Variants in CDH22 observed in about 807,000 individuals in gnomAD.
CDH22 encodes the protein cadherin 22.
Under a neutral mutation model 58.4 loss-of-function variants are expected in CDH22, and 30 were observed. That is an observed-to-expected ratio of 0.51 (90% CI 0.38 to 0.70). The LOEUF (loss-of-function observed/expected upper bound fraction) is 0.70, where lower values mean the gene tolerates loss of function less well. Ranked by LOEUF, CDH22 falls within the 30% of genes least tolerant of loss-of-function variation. The pLI is 0.00. For synonymous variants in CDH22, 513 were observed against 558.2 expected (o/e 0.92, Z 1.14); for missense variants, 1,014 against 1,233.9 (o/e 0.82, Z 2.67).
intron 2 of CDH22, among the ~76,000 whole-genome samples, chr20:46,244,104 T>C (rs1321281917): frequency 1.3e-5 from 2 of 152,212 alleles, no homozygotes; most frequent in Non-Finnish European, 2.9e-5. Context: ...CTAAGCACTC[T>C]GTTAATGGTT....
intron 11 of CDH22, among the ~76,000 whole-genome samples, chr20:46,175,684 GC>G (rs2085733417): frequency 6.6e-6 from 1 of 152,182 alleles, no homozygotes; most frequent in South Asian, 2.1e-4. Flanking sequence ...TCAAAGTGCG[GC>G]CCCTGGGCAA....
At chr20:46,242,810 G>A (rs2425796) in intron 2 of CDH22, among the ~76,000 whole-genome samples, 142,053 of 152,306 alleles carry the variant, frequency 0.93, 66,393 homozygotes, top group Middle Eastern at 0.96. Flanking sequence ...GTGCCCAACA[G>A]ATGGTAGCTA....
chr20:46,233,574 G>A (rs910437483), intron 3 of CDH22, among the ~76,000 whole-genome samples: 4 of 152,150 alleles, frequency 2.6e-5, no homozygotes, highest in Admixed American at 2.0e-4. Flanking sequence ...CTAGACCCTC[G>A]AGGGCAGGAT....
intron 7 of CDH22, among the ~76,000 whole-genome samples, chr20:46,209,001 C>T (rs1006958940): frequency 3.9e-5 from 6 of 152,182 alleles, no homozygotes; most frequent in African/African-American, 1.4e-4. Context: ...GACGTAAATC[C>T]CTACCCTCAG....
At chr20:46,274,827 C>CAA (rs3091883) in intron 1 of CDH22, among the ~76,000 whole-genome samples, 38,454 of 140,010 alleles carry the variant, frequency 0.27, 5,251 homozygotes, top group African/African-American at 0.31. Context: ...GAGCCAGATG[C>CAA]AAAAAAAAAA....
intron 8 of CDH22, 79 bp from the exon 9 acceptor site, chr20:46,187,026 T>C (rs945979802): frequency 7.1e-7 from 1 of 1,418,280 alleles, no homozygotes; most frequent in Non-Finnish European, 9.5e-7. Flanking sequence ...ATGAGGACAA[T>C]AGTAGGCAGT....
At chr20:46,192,825 C>A (rs531106430) in intron 8 of CDH22, among the ~76,000 whole-genome samples, 5 of 152,022 alleles carry the variant, frequency 3.3e-5, no homozygotes, top group African/African-American at 7.2e-5. Flanking sequence ...GACAGTGAGG[C>A]GCACGGGACG....
intron 1 of CDH22, among the ~76,000 whole-genome samples, chr20:46,270,901 G>C (rs1382942473): frequency 1.3e-5 from 2 of 152,234 alleles, no homozygotes; most frequent in Admixed American, 6.5e-5. Context: ...CCTCAGGCAG[G>C]CCACCTCATC....
At position 46,216,912 on chromosome 20, in the gene CDH22, G is replaced by C. The variant is rs759912387; in HGVS notation, c.752C>G (p.Ala251Gly). The C allele has an allele frequency of 6.2e-7, 1 of 1,611,222 alleles. No homozygotes were observed. Among genetic ancestry groups the C allele is most frequent in the Non-Finnish European group, 8.5e-7 (1 of 1,177,720 alleles). Residue 251 changes from alanine to glycine, a missense_variant, in exon 5 of 12, where the codon GCG becomes GGG. Physicochemically the swap from Ala to Gly is moderately conservative, Grantham distance 60 (BLOSUM62 0). Coordinates refer to ENST00000537909, the MANE Select transcript of CDH22 (RefSeq NM_021248.3). The surrounding 1 kb of genome is among the most constrained non-coding windows in gnomAD (Gnocchi z 5.3). Reference protein sequence around the residue: ...YEVVIQATDMAGQLGGLSGST... With the variant: ...YEVVIQATDMGGQLGGLSGST... ...GCCCGAGAGGCCACCCAGCTGACCCGCCATGTCTGTGGCCTGGATCACCAC... is the reference window on the plus strand; with the variant it reads ...GCCCGAGAGGCCACCCAGCTGACCCCCCATGTCTGTGGCCTGGATCACCAC...
chr20:46,206,658 A>T lies in CDH22; in HGVS notation c.1286+3649T>A, dbSNP rs73312786. Among the ~76,000 whole-genome samples, 848 of 151,962 alleles carry T rather than the reference A, an allele frequency of 5.6e-3. 7 individuals carry two copies. Among genetic ancestry groups the T allele is most frequent in the African/African-American group, 0.019 (806 of 41,446 alleles). ...CAGCTCATGTGTCACATCCCTGACC[A>T]CTCAATTCAAAGTGGCCCTCTGTGG... On this transcript the variant is annotated intron_variant, in intron 7 of 11. Coordinates refer to ENST00000537909, the MANE Select transcript of CDH22 (RefSeq NM_021248.3).
intron 3 of CDH22, among the ~76,000 whole-genome samples, chr20:46,240,529 C>T (rs1934649990): frequency 6.6e-6 from 1 of 152,058 alleles, no homozygotes; most frequent in South Asian, 2.1e-4. Context: ...TCCAGCTGTG[C>T]TGTGTGTGTG....
intron 1 of CDH22, among the ~76,000 whole-genome samples, chr20:46,285,915 C>T (rs1184689105): frequency 6.6e-6 from 1 of 152,220 alleles, no homozygotes; most frequent in Non-Finnish European, 1.5e-5. Context: ...GTCTCTTCCT[C>T]CTCTGAGCCT....
In CDH22 at chr20:46,210,602, G is replaced by C; in HGVS notation, c.1033-42C>G. 7.1e-7 allele frequency: 1 copy of C among 1,412,774 alleles called. No homozygotes were observed. Among genetic ancestry groups the C allele is most frequent in the South Asian group, 1.7e-5 (1 of 59,380 alleles). 87.5% of individuals were successfully genotyped at this position (1,412,774 alleles called of 1,614,324 possible). ...AGGGCCGGTTAGTGGGTGGGGTCTG[G>C]TGGACACTGAGGCCTTCACGAGGGA... On this transcript the variant is annotated intron_variant, in intron 6 of 11. Coordinates refer to ENST00000537909, the MANE Select transcript of CDH22 (RefSeq NM_021248.3). This position sits in a 1 kb window ranked among gnomAD's most constrained non-coding sequence, Gnocchi z 4.5.
intron 8 of CDH22, among the ~76,000 whole-genome samples, chr20:46,198,554 A>G (rs1432951918): frequency 6.6e-6 from 1 of 151,976 alleles, no homozygotes; most frequent in Non-Finnish European, 1.5e-5. Flanking sequence ...CTTCTAGCTA[A>G]GGCCCCGTTT....
chr20:46,275,485 A>C (rs978703952), intron 1 of CDH22, among the ~76,000 whole-genome samples: 1 of 152,192 alleles, frequency 6.6e-6, no homozygotes, highest in East Asian at 1.9e-4. Flanking sequence ...ACCTTCTAAC[A>C]TATTATGCGA....
chr20:46,193,144 G>T (rs1203767205), intron 8 of CDH22, among the ~76,000 whole-genome samples: 1 of 152,090 alleles, frequency 6.6e-6, no homozygotes, highest in East Asian at 1.9e-4. Context: ...TTCCCCAGTG[G>T]CTGAGCTGGT....
intron 4 of CDH22, among the ~76,000 whole-genome samples, chr20:46,223,488 T>A (rs1464570194): frequency 6.6e-6 from 1 of 152,180 alleles, no homozygotes; most frequent in African/African-American, 2.4e-5. Flanking sequence ...CTGAGCACTT[T>A]ACATACTTCC....
At chr20:46,273,355 A>G (rs1282461908) in intron 1 of CDH22, among the ~76,000 whole-genome samples, 7 of 152,156 alleles carry the variant, frequency 4.6e-5, no homozygotes, top group Non-Finnish European at 7.3e-5. Context: ...TGATGCTTTA[A>G]TAAGATACCT....
chr20:46,298,748 C>T (rs2086639115), intron 1 of CDH22, among the ~76,000 whole-genome samples: 1 of 152,032 alleles, frequency 6.6e-6, no homozygotes, highest in South Asian at 2.1e-4. Flanking sequence ...CTCAATTTTC[C>T]CCTGCCTCTC....
Sources: allele counts gnomAD v4.1 joint callset (sites outside exome capture counted in the v4.1 genomes callset), GRCh38; gene constraint gnomAD v4.1.1; non-coding constraint Gnocchi (gnomAD v3.1); transcripts MANE v1.5; gene names NCBI Gene and HGNC (gene_info 2026-07-23, HGNC 2026-07-21).